KIAA0319: variants seen among roughly 807,000 people sequenced by gnomAD.
KIAA0319 encodes dyslexia-associated protein KIAA0319.
Under a neutral mutation model 108.4 loss-of-function variants are expected in KIAA0319, and 83 were observed. That is an observed-to-expected ratio of 0.77 (90% CI 0.64 to 0.92). KIAA0319 has a LOEUF of 0.92. Ranked by LOEUF, KIAA0319 falls within the 40% of genes least tolerant of loss-of-function variation. KIAA0319 has a pLI of 0.00. For synonymous variants in KIAA0319, 484 were observed against 510.4 expected, an observed-to-expected ratio of 0.95 and a Z score of 0.70; for missense variants, 1,195 against 1,322.4, an observed-to-expected ratio of 0.90 and a Z score of 1.49.
At chr6:24,592,334 A>T (rs910923163) in intron 3 of KIAA0319, among the ~76,000 whole-genome samples, 3 of 152,218 alleles carry the variant, frequency 2.0e-5, no homozygotes, top group African/African-American at 7.2e-5. Context: ...AATACAATTG[A>T]ACTATTTTAC....
At chr6:24,553,615 C>A (rs1383200136) in intron 19 of KIAA0319, among the ~76,000 whole-genome samples, 3 of 152,158 alleles carry the variant, frequency 2.0e-5, no homozygotes, top group Admixed American at 6.5e-5. Flanking sequence ...AGAAAGAGTT[C>A]TGCCTCCTAC....
At chr6:24,581,298 TG>T (rs1008645620) in intron 6 of KIAA0319, among the ~76,000 whole-genome samples, 1 of 152,178 alleles carries the variant, frequency 6.6e-6, no homozygotes, top group African/African-American at 2.4e-5. Context: ...AATGTGTGTA[TG>T]GAACCATGCA....
chr6:24,596,518 G>C lies in KIAA0319; in HGVS notation c.156C>G (p.Phe52Leu), dbSNP rs776745645. The C allele has an allele frequency of 6.2e-7, 1 of 1,614,086 alleles. No individual in the cohort carries two copies. The highest frequency in any genetic ancestry group is 8.5e-7 in the Non-Finnish European group (1 of 1,180,026). The part of the protein sequence containing the change: ...TTRIMRVSHT[F>L]PVVDCTAACC... Reference sequence around the variant, plus strand: ...AAGCGGCCGTGCAGTCTACGACAGGGAAGGTGTGAGACACCCGCATGATTC... The same window carrying C: ...AAGCGGCCGTGCAGTCTACGACAGGCAAGGTGTGAGACACCCGCATGATTC... The change falls in exon 3 of 21, where the codon TTC becomes TTG. Residue 52 changes from phenylalanine to leucine, a missense_variant. By Grantham distance (22) the Phe-to-Leu change is conservative (BLOSUM62 0). Transcript: ENST00000378214.
chr6:24,573,815 G>A (rs1765078069), intron 10 of KIAA0319, among the ~76,000 whole-genome samples: 1 of 152,036 alleles, frequency 6.6e-6, no homozygotes, highest in South Asian at 2.1e-4. Context: ...TATTAGTTTT[G>A]TAATCAAAAA....
intron 14 of KIAA0319, among the ~76,000 whole-genome samples, chr6:24,565,485 T>C (rs1449564434): frequency 6.6e-6 from 1 of 151,960 alleles, no homozygotes; most frequent in African/African-American, 2.4e-5. Flanking sequence ...CTGGGCGCGG[T>C]GGCTCACGCC....
chr6:24,630,781 A>C (rs944507004), intron 1 of KIAA0319, among the ~76,000 whole-genome samples: 52 of 151,772 alleles, frequency 3.4e-4, no homozygotes, highest in Non-Finnish European at 6.5e-4. Context: ...TATCACAAAA[A>C]TTATCCTTCA....
Position 24,645,805 on chromosome 6 carries a change from T to A in KIAA0319, c.-175A>T, listed in dbSNP as rs1777536360. ...TGCTGGCCCTGAGCATCACTCGCCGTCCCACTTGTTCCTCCTCGTCGTCAT... is the reference window on the plus strand; with the variant it reads ...TGCTGGCCCTGAGCATCACTCGCCGACCCACTTGTTCCTCCTCGTCGTCAT... On this transcript the variant is annotated 5_prime_UTR_variant, in exon 1 of 21. Coordinates refer to ENST00000378214, the MANE Select transcript of KIAA0319 (RefSeq NM_014809.4). The A allele has an allele frequency of 6.7e-6, 1 of 148,776 alleles. No homozygotes were observed. The highest frequency in any genetic ancestry group is 1.5e-5 in the Non-Finnish European group (1 of 67,686). 9.2% of individuals were successfully genotyped at this position (148,776 alleles called of 1,614,324 possible).
intron 19 of KIAA0319, among the ~76,000 whole-genome samples, chr6:24,553,151 C>A (rs1761746387): frequency 6.6e-6 from 1 of 151,668 alleles, no homozygotes; most frequent in Non-Finnish European, 1.5e-5. Context: ...AAAAATGATT[C>A]AGGTGGATTC....
At chr6:24,543,632 A>ATGTTGCC (rs1760293393), downstream of KIAA0319, among the ~76,000 whole-genome samples, 1 of 152,148 alleles carries the variant, frequency 6.6e-6, no homozygotes, top group Admixed American at 6.5e-5. Context: ...GGATTTGGCC[A>ATGTTGCC]TGTTGCCTAG....
rs759338330 is a variant in KIAA0319, at chr6:24,547,259, C to T, written c.3125G>A (p.Ser1042Asn). The change falls in exon 21 of 21, where the codon AGC becomes AAC. Residue 1042 changes from serine to asparagine, a missense_variant. By Grantham distance (46) the Ser-to-Asn change is conservative. Coordinates refer to ENST00000378214, the MANE Select transcript of KIAA0319 (RefSeq NM_014809.4). ...EFDSDQDTIF[S>N]REKMERGNPK... ...ATTCCCTCTCTCCATCTTTTCTCGG[C>T]TGAAGATTGTGTCCTGGTCACTGTC... 1 of 1,614,172 alleles carries T rather than the reference C, an allele frequency of 6.2e-7. No individual in the cohort carries two copies. Among genetic ancestry groups the T allele is most frequent in the South Asian group, 1.1e-5 (1 of 91,088 alleles).
chr6:24,558,402 T>TAGAC (rs755464522), intron 17 of KIAA0319, among the ~76,000 whole-genome samples: 1 of 150,388 alleles, frequency 6.6e-6, no homozygotes, highest in Non-Finnish European at 1.5e-5. Context: ...GATAGATAGA[T>TAGAC]AGATATCTGA....
chr6:24,540,343 G>A (rs1016710325), downstream of KIAA0319, among the ~76,000 whole-genome samples: 3 of 152,124 alleles, frequency 2.0e-5, no homozygotes, highest in African/African-American at 7.2e-5. Flanking sequence ...ACTTTATGAT[G>A]GCTACGACAT....
At position 24,569,787 on chromosome 6, in the gene KIAA0319, T is replaced by A. The variant is rs1467875780; in HGVS notation, c.1991+116A>T. The A allele has an allele frequency of 3.2e-6, 4 of 1,266,214 alleles. No homozygotes were observed. In the African/African-American group the frequency reaches 6.0e-5, roughly 19 times the overall value. The allele number at this position is 1,266,214 out of a possible 1,614,324, so 78.4% of individuals were successfully genotyped here. On this transcript the variant is annotated intron_variant, in intron 12 of 20. Transcript: ENST00000378214. ...GCCCAGCCACTTCTAGAAACGTGCT[T>A]AAATCCCGACTCCTCAAAATGCGCA...
intron 1 of KIAA0319, among the ~76,000 whole-genome samples, chr6:24,622,801 T>C (rs906335498): frequency 1.3e-5 from 2 of 152,160 alleles, no homozygotes; most frequent in African/African-American, 4.8e-5. Flanking sequence ...TTTAGCACTC[T>C]GGGAGGCCGA....
intron 1 of KIAA0319, among the ~76,000 whole-genome samples, chr6:24,623,518 T>A (rs1774258629): frequency 6.6e-6 from 1 of 152,088 alleles, no homozygotes; most frequent in African/African-American, 2.4e-5. Context: ...CTTAAGGACA[T>A]ACCCTAAAAT....
At chr6:24,552,447 C>A (rs1251014984) in intron 19 of KIAA0319, among the ~76,000 whole-genome samples, 1 of 152,178 alleles carries the variant, frequency 6.6e-6, no homozygotes, top group Non-Finnish European at 1.5e-5. Flanking sequence ...TGTTTAATGC[C>A]ATACACAGTA....
At position 24,582,346 on chromosome 6, in the gene KIAA0319, T is replaced by C; in HGVS notation, c.1094A>G (p.Glu365Gly). 6.3e-7 allele frequency: 1 copy of C among 1,582,916 alleles called. No homozygotes were observed. The highest frequency in any genetic ancestry group is 1.1e-5 in the South Asian group (1 of 90,432). The change falls in exon 6 of 21, where the codon GAA becomes GGA. Residue 365 changes from glutamate to glycine, a missense_variant and splice_region_variant. Physicochemically the swap from Glu to Gly is moderately conservative, Grantham distance 98. Coordinates refer to ENST00000378214, the MANE Select transcript of KIAA0319 (RefSeq NM_014809.4). ...KAFVAPAPPVETTYNYEWNLI... is the reference protein window; with the variant it reads ...KAFVAPAPPVGTTYNYEWNLI... ...ATTCCATTCATAGTTGTAGGTTGTT[T>C]CTGAGAGCAAAAAATAAATATGAGT...
At chr6:24,612,047 CAAAAAAAAA>C (rs35491702) in intron 1 of KIAA0319, among the ~76,000 whole-genome samples, 1,716 of 133,000 alleles carry the variant, frequency 0.013, 31 homozygotes, top group African/African-American at 0.044. Flanking sequence ...GACTTTGTTT[CAAAAAAAAA>C]AAAAAGAAAA....
intron 3 of KIAA0319, among the ~76,000 whole-genome samples, chr6:24,595,533 C>A (rs1468703634): frequency 9.4e-6 from 1 of 106,926 alleles, no homozygotes; most frequent in African/African-American, 4.0e-5. Context: ...GGCGACAGAG[C>A]GAGATTCAAT....
Sources: allele counts gnomAD v4.1 joint callset (sites outside exome capture counted in the v4.1 genomes callset), GRCh38; gene constraint gnomAD v4.1.1; transcripts MANE v1.5; gene names NCBI Gene and HGNC (gene_info 2026-07-23, HGNC 2026-07-21).